The following TMEM132B variants were observed in gnomAD, a reference collection of about 807,000 sequenced individuals.
The protein encoded by TMEM132B is transmembrane protein 132B.
In TMEM132B, 18 loss-of-function variants were observed where a neutral mutation model predicts 90.8. The ratio of observed to expected loss-of-function variants is 0.20; its 90% CI spans 0.14 to 0.29. TMEM132B has a LOEUF of 0.29. Among genes scored for constraint, TMEM132B ranks in the 10% least tolerant of loss-of-function variants. The probability of loss-of-function intolerance (pLI) is 1.00; values close to 1 mark genes in which losing one functional copy is unlikely to be tolerated. For missense variants in TMEM132B, 1,096 were observed against 1,326.8 expected (o/e 0.83, Z 2.70); for synonymous variants, 504 against 523.3 (o/e 0.96, Z 0.50).
chr12:125,199,380 G>A (rs1294580526), intron 1 of TMEM132B, among the ~76,000 whole-genome samples: 2 of 152,176 alleles, frequency 1.3e-5, no homozygotes, highest in Non-Finnish European at 2.9e-5. Flanking sequence ...TTTAAGTTGT[G>A]AGTCCAGCTC....
intron 4 of TMEM132B, among the ~76,000 whole-genome samples, chr12:125,562,029 A>G (rs1418441441): frequency 1.3e-5 from 2 of 152,344 alleles, no homozygotes; most frequent in Non-Finnish European, 2.9e-5. Context: ...TTTCATCTAC[A>G]TGGAAGATCT....
At chr12:125,540,382 TG>T (rs1468358094) in intron 4 of TMEM132B, among the ~76,000 whole-genome samples, 1 of 152,202 alleles carries the variant, frequency 6.6e-6, no homozygotes, top group Non-Finnish European at 1.5e-5. Flanking sequence ...TCCCACTTTT[TG>T]ATATCAATTA....
At chr12:125,392,030 G>A (rs1879039481) in intron 2 of TMEM132B, among the ~76,000 whole-genome samples, 1 of 152,172 alleles carries the variant, frequency 6.6e-6, no homozygotes, top group Non-Finnish European at 1.5e-5. Flanking sequence ...GCCTCTCAAA[G>A]TGCGGGGATT....
chr12:125,393,694 G>A (rs323848), intron 2 of TMEM132B, among the ~76,000 whole-genome samples: 78,178 of 151,884 alleles, frequency 0.51, 20,915 homozygotes, highest in East Asian at 0.88. Flanking sequence ...AGATGGAGGC[G>A]CAGTCAAGGA....
At chr12:125,629,335 G>A (rs959310778) in intron 5 of TMEM132B, among the ~76,000 whole-genome samples, 12 of 151,918 alleles carry the variant, frequency 7.9e-5, no homozygotes, top group African/African-American at 2.9e-4. Context: ...GTGTTTCATA[G>A]TTTTCAGTAT....
chr12:125,251,773 T>A lies in TMEM132B; in HGVS notation c.67+64907T>A, dbSNP rs1248974657. On this transcript the variant is annotated intron_variant, in intron 1 of 8. Coordinates refer to ENST00000682704, the MANE Select transcript of TMEM132B (RefSeq NM_001366854.1). This position sits in a 1 kb window ranked among gnomAD's most constrained non-coding sequence, Gnocchi z 4.4. Reference sequence around the variant, plus strand: ...GAGCCCAGTGTTGCCAGAGCTGATTTTCCTAGAAAGGCCATTCGTTTGGAT... The same window carrying A: ...GAGCCCAGTGTTGCCAGAGCTGATTATCCTAGAAAGGCCATTCGTTTGGAT... Among the ~76,000 whole-genome samples, 1 of 152,184 alleles carries A rather than the reference T, an allele frequency of 6.6e-6. No individual in the cohort carries two copies. Among genetic ancestry groups the A allele is most frequent in the East Asian group, 1.9e-4 (1 of 5,200 alleles).
At chr12:125,513,111 G>C (rs1169639504) in intron 3 of TMEM132B, among the ~76,000 whole-genome samples, 2 of 152,238 alleles carry the variant, frequency 1.3e-5, no homozygotes, top group Admixed American at 6.5e-5. Flanking sequence ...TGGCCTGCCT[G>C]CCTACGCAGG....
intron 1 of TMEM132B, among the ~76,000 whole-genome samples, chr12:125,283,342 A>G (rs1273770084): frequency 1.3e-5 from 2 of 152,112 alleles, no homozygotes; most frequent in Non-Finnish European, 2.9e-5. Flanking sequence ...ATTTATTTAA[A>G]TCTGTTGAAT....
chr12:125,236,487 T>C (rs1249757870), intron 1 of TMEM132B, among the ~76,000 whole-genome samples: 1 of 152,208 alleles, frequency 6.6e-6, no homozygotes, highest in African/African-American at 2.4e-5. Flanking sequence ...CCCTATTCCA[T>C]TGTTGGGGTA....
chr12:125,263,081 C>G (rs1874604595), intron 1 of TMEM132B, among the ~76,000 whole-genome samples: 1 of 152,250 alleles, frequency 6.6e-6, no homozygotes, highest in Non-Finnish European at 1.5e-5. Context: ...CTCGTTCCTT[C>G]TCAAGTAATC....
Position 125,206,650 on chromosome 12 carries a change from T to C in TMEM132B, c.67+19784T>C, listed in dbSNP as rs76939719. ...TGGCTTGGGAAGAGCCACTAGCCCA[T>C]TGCTCGGTTGCCTTGTGTCTTGTCC... On this transcript the variant is annotated intron_variant, in intron 1 of 8. Transcript: ENST00000682704. Among the ~76,000 whole-genome samples the C allele has an allele frequency of 2.6e-4, 40 of 152,206 alleles. No individual in the cohort carries two copies. The East Asian group carries it at 7.6e-3, about 29-fold the overall frequency.
chr12:125,350,460 T>C (rs1877533258), intron 2 of TMEM132B, 117 bp downstream of exon 2: 2 of 1,260,756 alleles, frequency 1.6e-6, no homozygotes, highest in Non-Finnish European at 2.2e-6. Flanking sequence ...TGAATACAGC[T>C]GGTCATTAAA....
At chr12:125,199,157 CT>C in intron 1 of TMEM132B, among the ~76,000 whole-genome samples, 1 of 152,320 alleles carries the variant, frequency 6.6e-6, no homozygotes, top group East Asian at 1.9e-4. Context: ...TTTGCTGCCC[CT>C]GAAACTGGCA....
intron 1 of TMEM132B, among the ~76,000 whole-genome samples, chr12:125,204,374 A>G (rs369445855): frequency 4.2e-5 from 5 of 119,170 alleles, no homozygotes; most frequent in South Asian, 3.0e-4. Context: ...TGAGGGCTCC[A>G]TGTACCCAGG....
chr12:125,322,633 C>G (rs1009348956), intron 1 of TMEM132B, among the ~76,000 whole-genome samples: 1 of 152,148 alleles, frequency 6.6e-6, no homozygotes. Flanking sequence ...AAACCATACA[C>G]TTTAATTGGG....
At chr12:125,550,116 G>A (rs897402857) in intron 4 of TMEM132B, among the ~76,000 whole-genome samples, 6 of 152,120 alleles carry the variant, frequency 3.9e-5, no homozygotes, top group East Asian at 1.9e-4. Context: ...TGTTCCTGCC[G>A]CACAGCCCCC....
chr12:125,507,038 TC>T (rs1410679615), intron 3 of TMEM132B, among the ~76,000 whole-genome samples: 1 of 152,224 alleles, frequency 6.6e-6, no homozygotes, highest in African/African-American at 2.4e-5. Flanking sequence ...TTCCTCATGC[TC>T]CTATGGAAGG....
intron 4 of TMEM132B, among the ~76,000 whole-genome samples, chr12:125,575,701 A>G (rs111638534): frequency 2.2e-4 from 33 of 152,006 alleles, no homozygotes; most frequent in Admixed American, 3.9e-4. Context: ...GAGTGCTTAA[A>G]TTTATGTCTT....
rs1873282747 is a variant in TMEM132B at position 125,209,983 on chromosome 12, C to T, written c.67+23117C>T. Among the ~76,000 whole-genome samples the T allele has an allele frequency of 6.6e-6, 1 of 152,142 alleles. No individual in the cohort carries two copies. The highest frequency in any genetic ancestry group is 1.5e-5 in the Non-Finnish European group (1 of 68,026). ...AACAGGTATTAATGCAATGGAGTCT[C>T]CTCTGTGTCAGGCAGCATCCAGACT... On this transcript the variant is annotated intron_variant, in intron 1 of 8. Coordinates refer to ENST00000682704, the MANE Select transcript of TMEM132B (RefSeq NM_001366854.1). The surrounding 1 kb of genome is among the most constrained non-coding windows in gnomAD (Gnocchi z 4.4).
Sources: gnomAD v4.1 joint callset for allele counts (sites outside exome capture counted in the v4.1 genomes callset) on GRCh38, gnomAD v4.1.1 for gene constraint, Gnocchi (gnomAD v3.1) non-coding constraint, MANE v1.5 for transcripts, NCBI Gene and HGNC (gene_info 2026-07-23, HGNC 2026-07-21) for gene names.